Variants in SYT1 observed in about 807,000 individuals in gnomAD.
The protein encoded by SYT1 is synaptotagmin-1.
Under a neutral mutation model 44.8 loss-of-function variants are expected in SYT1, and 8 were observed. The observed-to-expected ratio is 0.18, with a 90% CI of 0.10 to 0.32. The LOEUF is 0.32. Among genes scored for constraint, SYT1 ranks in the 10% least tolerant of loss-of-function variants. SYT1 has a pLI of 1.00. For synonymous variants in SYT1, 154 were observed against 188.8 expected (o/e 0.82, Z 1.51); for missense variants, 286 against 509.3 (o/e 0.56, Z 4.22).
At chr12:79,113,675 T>C (rs1453329515) in intron 3 of SYT1, among the ~76,000 whole-genome samples, 1 of 152,150 alleles carries the variant, frequency 6.6e-6, no homozygotes. Context: ...TCAGATTCCA[T>C]GCTGACTTTA....
intron 1 of SYT1, among the ~76,000 whole-genome samples, chr12:78,945,987 T>C (rs961124097): frequency 6.6e-6 from 1 of 152,166 alleles, no homozygotes; most frequent in Non-Finnish European, 1.5e-5. Context: ...CTCAACCTAA[T>C]ACTGTTCAAA....
At chr12:79,208,005 T>G (rs1329405892) in intron 3 of SYT1, among the ~76,000 whole-genome samples, 1 of 152,198 alleles carries the variant, frequency 6.6e-6, no homozygotes, top group East Asian at 1.9e-4. Context: ...CCCCTGGTTT[T>G]TAACACAAAC....
intron 1 of SYT1, among the ~76,000 whole-genome samples, chr12:78,962,493 T>C (rs1260572931): frequency 6.6e-6 from 1 of 152,086 alleles, no homozygotes; most frequent in Non-Finnish European, 1.5e-5. Context: ...TATGACCTAA[T>C]TACATCAACC....
chr12:78,933,474 G>A (rs1369028978), intron 1 of SYT1, among the ~76,000 whole-genome samples: 1 of 152,108 alleles, frequency 6.6e-6, no homozygotes, highest in African/African-American at 2.4e-5. Flanking sequence ...GAATTTAGTA[G>A]TAAAAATAAT....
chr12:78,891,736 G>A (rs1361853463), intron 1 of SYT1, among the ~76,000 whole-genome samples: 4 of 151,326 alleles, frequency 2.6e-5, no homozygotes, highest in Admixed American at 2.6e-4. Context: ...TTTGAACTGT[G>A]CTCAGGAGGA....
At chr12:79,224,556 A>G (rs1297996014) in intron 4 of SYT1, among the ~76,000 whole-genome samples, 1 of 151,980 alleles carries the variant, frequency 6.6e-6, no homozygotes, top group Non-Finnish European at 1.5e-5. Context: ...GTGTGCCTTA[A>G]GTAGATTGAA....
At chr12:79,311,129 C>T (rs1389104420) in intron 8 of SYT1, among the ~76,000 whole-genome samples, 4 of 152,174 alleles carry the variant, frequency 2.6e-5, no homozygotes, top group African/African-American at 9.7e-5. Context: ...TTTGCCCATT[C>T]AGTATGATAT....
rs1273678243 is a variant in SYT1 at position 79,451,154 on chromosome 12, T to G, written c.*2030T>G. On this transcript the variant is annotated 3_prime_UTR_variant, in exon 11 of 11. Coordinates refer to ENST00000261205, the MANE Select transcript of SYT1 (RefSeq NM_005639.3). ...AATTCCTGTCGTTACTGTTTCCTTA[T>G]CAAAGAAGGGGCAAGCTCTTTTGCC... 3.3e-5 allele frequency: 5 copies of G among 152,226 alleles called. No individual in the cohort carries two copies. The highest frequency in any genetic ancestry group is 7.3e-5 in the Non-Finnish European group (5 of 68,042). 9.4% of individuals were successfully genotyped at this position (152,226 alleles called of 1,614,324 possible).
chr12:79,390,367 G>C (rs1332014236), intron 9 of SYT1, among the ~76,000 whole-genome samples: 2 of 152,116 alleles, frequency 1.3e-5, no homozygotes, highest in Non-Finnish European at 2.9e-5. Flanking sequence ...ATATTGATAG[G>C]TACAAAGGCT....
intron 4 of SYT1, among the ~76,000 whole-genome samples, chr12:79,248,885 C>T (rs1015821208): frequency 6.6e-6 from 1 of 151,956 alleles, no homozygotes; most frequent in African/African-American, 2.4e-5. Flanking sequence ...GAATATTGAC[C>T]CTTTAAAAAT....
rs1872715900 is a variant in SYT1, at chr12:79,184,731, T to C, written c.-17-32772T>C. 2.0e-5 allele frequency among the ~76,000 whole-genome samples: 3 copies of C among 152,092 alleles called. No homozygotes were observed. The South Asian group carries it at 6.2e-4, about 31-fold the overall frequency. On this transcript the variant is annotated intron_variant, in intron 3 of 10. Transcript: ENST00000261205. Reference sequence around the variant, plus strand: ...TTTTAAAACTCTTATGTTTCAGCTCTTTCCAAGTCAAATATGAATAACTAT... The same window carrying C: ...TTTTAAAACTCTTATGTTTCAGCTCCTTCCAAGTCAAATATGAATAACTAT...
Position 78,910,518 on chromosome 12 carries a change from C to T in SYT1, c.-217+45409C>T, listed in dbSNP as rs17045968. Among the ~76,000 whole-genome samples, 602 of 152,060 alleles carry T rather than the reference C, an allele frequency of 4.0e-3. 25 individuals carry two copies. In the East Asian group the frequency reaches 0.1, roughly 26 times the overall value. On this transcript the variant is annotated intron_variant, in intron 1 of 10. Transcript: ENST00000261205. ...CCTAGATATTTACATCCATCTGGTT[C>T]AGACTGCAAACATTTATTTGTTGAT...
At chr12:79,203,141 G>T (rs1303894114) in intron 3 of SYT1, among the ~76,000 whole-genome samples, 2 of 152,012 alleles carry the variant, frequency 1.3e-5, no homozygotes, top group African/African-American at 4.8e-5. Flanking sequence ...GTGTATGCTC[G>T]TTTTTGGCAG....
intron 2 of SYT1, among the ~76,000 whole-genome samples, chr12:79,043,940 T>A (rs1873795113): frequency 6.6e-6 from 1 of 152,210 alleles, no homozygotes; most frequent in Non-Finnish European, 1.5e-5. Flanking sequence ...TCTTTAAGAA[T>A]GTTGAATATT....
At chr12:79,091,657 A>G (rs1877783452) in intron 3 of SYT1, among the ~76,000 whole-genome samples, 1 of 151,958 alleles carries the variant, frequency 6.6e-6, no homozygotes, top group African/African-American at 2.4e-5. Flanking sequence ...TGAAAATGTT[A>G]TTTTGGAGAG....
At chr12:79,422,850 C>T (rs542139798) in intron 9 of SYT1, among the ~76,000 whole-genome samples, 139 of 152,152 alleles carry the variant, frequency 9.1e-4, no homozygotes, top group Middle Eastern at 6.8e-3. Context: ...AATCTAGGTG[C>T]TGGAAGTAAG....
At chr12:79,292,199 A>T in intron 6 of SYT1, 69 bp downstream of exon 6, 1 of 1,540,160 alleles carries the variant, frequency 6.5e-7, no homozygotes, top group South Asian at 1.2e-5. Flanking sequence ...AATTGCAGCA[A>T]GATACCTCTT....
At chr12:79,012,008 T>C (rs1871439915) in intron 2 of SYT1, among the ~76,000 whole-genome samples, 2 of 151,778 alleles carry the variant, frequency 1.3e-5, no homozygotes, top group African/African-American at 2.4e-5. Context: ...GGTGTGCACC[T>C]GTAGTCCCAG....
intron 1 of SYT1, among the ~76,000 whole-genome samples, chr12:78,958,745 A>T (rs930811093): frequency 1.3e-5 from 2 of 152,040 alleles, no homozygotes; most frequent in Non-Finnish European, 2.9e-5. Flanking sequence ...ATTGAGTTTT[A>T]TTACTTGCAG....
Sources: allele counts gnomAD v4.1 joint callset (sites outside exome capture counted in the v4.1 genomes callset), GRCh38; gene constraint gnomAD v4.1.1; transcripts MANE v1.5; gene names NCBI Gene and HGNC (gene_info 2026-07-23, HGNC 2026-07-21).